Variants in GRAMD4 observed in about 807,000 individuals in gnomAD.
GRAMD4 encodes the protein GRAM domain-containing protein 4.
GRAMD4 carries 25 observed loss-of-function variants against 83.9 expected under a neutral mutation model. The ratio of observed to expected loss-of-function variants is 0.30; its 90% CI spans 0.22 to 0.42. GRAMD4 has a LOEUF of 0.42. Ranked by LOEUF, GRAMD4 falls within the 10% of genes least tolerant of loss-of-function variation. The pLI is 1.00. For synonymous variants in GRAMD4, 336 were observed against 320.9 expected (o/e 1.05, Z -0.50); for missense variants, 593 against 788.7 (o/e 0.75, Z 2.97).
chr22:46,628,489 C>T (rs59508825), intron 2 of GRAMD4, among the ~76,000 whole-genome samples: 6,533 of 60,240 alleles, frequency 0.11, 1,193 homozygotes, highest in East Asian at 0.34. Flanking sequence ...GGACTGAGTG[C>T]GTTGGTGTCT....
intron 3 of GRAMD4, among the ~76,000 whole-genome samples, chr22:46,647,029 C>T (rs906467265): frequency 2.0e-5 from 3 of 152,168 alleles, no homozygotes; most frequent in Non-Finnish European, 4.4e-5. Flanking sequence ...GTTTTAATTA[C>T]CTCCCACGGG....
At chr22:46,610,398 C>T (rs2147088069) in intron 1 of GRAMD4, among the ~76,000 whole-genome samples, 1 of 152,336 alleles carries the variant, frequency 6.6e-6, no homozygotes, top group South Asian at 2.1e-4. Flanking sequence ...CACCCACTGC[C>T]ACCTGTTTCT....
intron 8 of GRAMD4, 73 bp from the exon 9 acceptor site, chr22:46,665,542 G>A: frequency 2.5e-6 from 2 of 802,108 alleles, no homozygotes; most frequent in South Asian, 1.5e-5. Context: ...GCCTGGTGGG[G>A]GGAGGCGGGA....
intron 1 of GRAMD4, among the ~76,000 whole-genome samples, chr22:46,597,930 C>G (rs1406999335): frequency 6.6e-6 from 1 of 152,116 alleles, no homozygotes; most frequent in East Asian, 1.9e-4. Flanking sequence ...CTTTAGAGCA[C>G]TGTACAAGGT....
chr22:46,612,067 G>C (rs572436060), intron 1 of GRAMD4, among the ~76,000 whole-genome samples: 16 of 150,784 alleles, frequency 1.1e-4, no homozygotes, highest in South Asian at 6.3e-4. Context: ...GCAGTGGTTC[G>C]ATCATAGCTC....
At position 46,678,832 on chromosome 22, in the gene GRAMD4, T is replaced by G. The variant is rs2082636430; in HGVS notation, c.*1581T>G. 1 of 986,074 alleles carries G rather than the reference T, an allele frequency of 1.0e-6. No homozygotes were observed. Among genetic ancestry groups the G allele is most frequent in the Non-Finnish European group, 1.2e-6 (1 of 830,064 alleles). The allele number at this position is 986,074 out of a possible 1,614,324, so 61.1% of individuals were successfully genotyped here. ...TCACACGCTGGTGCCGGGGGTGCTT[T>G]GGGGGGAGCTGCGCCGATCACCAGA... On this transcript the variant is annotated 3_prime_UTR_variant, in exon 19 of 19. Transcript: ENST00000406902.
upstream of GRAMD4, chr22:46,620,379 C>T: frequency 1.0e-6 from 1 of 985,324 alleles, no homozygotes; most frequent in Non-Finnish European, 1.2e-6. This position sits in a 1 kb window ranked among gnomAD's most constrained non-coding sequence, Gnocchi z 4.7. Flanking sequence ...TGCTGCCCTG[C>T]TCTGGTGCAC....
At chr22:46,649,240 G>A (rs571240500) in intron 3 of GRAMD4, among the ~76,000 whole-genome samples, 1 of 152,336 alleles carries the variant, frequency 6.6e-6, no homozygotes, top group East Asian at 1.9e-4. Flanking sequence ...CAGGGAGCAG[G>A]TGCTTGGCAG....
chr22:46,660,081 C>A (rs978329991), intron 4 of GRAMD4, among the ~76,000 whole-genome samples: 1 of 152,206 alleles, frequency 6.6e-6, no homozygotes, highest in Non-Finnish European at 1.5e-5. Flanking sequence ...CATCCTCTCA[C>A]TCCCGCCAGC....
chr22:46,613,590 G>A (rs373084023), intron 1 of GRAMD4, among the ~76,000 whole-genome samples: 3 of 151,916 alleles, frequency 2.0e-5, no homozygotes, highest in East Asian at 1.9e-4. Flanking sequence ...GCGGCTACCC[G>A]ATGGCTGGGA....
chr22:46,644,679 C>G (rs36028596), intron 3 of GRAMD4, among the ~76,000 whole-genome samples: 3,880 of 141,554 alleles, frequency 0.027, 136 homozygotes, highest in African/African-American at 0.07. Context: ...GCTTCATCCA[C>G]TTGTCCACTT....
chr22:46,678,507 A>G lies in GRAMD4; in HGVS notation c.*1256A>G. ...GCTGGGGCCGCCTGCGCTGGGCTGA[A>G]GGGAGGGAAAGGCGGCTTGGGCCTC... On this transcript the variant is annotated 3_prime_UTR_variant, in exon 19 of 19. Transcript: ENST00000406902. 1.0e-6 allele frequency: 1 copy of G among 985,336 alleles called. No individual in the cohort carries two copies. Among genetic ancestry groups the G allele is most frequent in the South Asian group, 4.7e-5 (1 of 21,278 alleles). 61.0% of individuals were successfully genotyped at this position (985,336 alleles called of 1,614,324 possible).
At chr22:46,592,990 A>G (rs1244523506) in intron 1 of GRAMD4, among the ~76,000 whole-genome samples, 2 of 152,220 alleles carry the variant, frequency 1.3e-5, no homozygotes, top group African/African-American at 2.4e-5. Context: ...GTTCACCAAC[A>G]TAACCTAAAT....
chr22:46,581,189 A>G (rs758017202), intron 1 of GRAMD4, among the ~76,000 whole-genome samples: 25 of 152,220 alleles, frequency 1.6e-4, no homozygotes, highest in Middle Eastern at 3.2e-3. Context: ...GTTTAAGCCC[A>G]GTGATTAAAG....
At chr22:46,610,434 T>C (rs1005122666) in intron 1 of GRAMD4, among the ~76,000 whole-genome samples, 1 of 152,222 alleles carries the variant, frequency 6.6e-6, no homozygotes, top group Non-Finnish European at 1.5e-5. Flanking sequence ...GGTGTCTGAT[T>C]TGTACACAGC....
At chr22:46,639,078 T>G (rs193121289) in intron 3 of GRAMD4, among the ~76,000 whole-genome samples, 126 of 152,316 alleles carry the variant, frequency 8.3e-4, no homozygotes, top group South Asian at 4.1e-3. Context: ...AGCACTGGAC[T>G]GTGTGTGTGC....
Position 46,637,915 on chromosome 22 carries a change from A to G in GRAMD4, c.238A>G (p.Ile80Val), listed in dbSNP as rs1269107389. 1.2e-6 allele frequency: 2 copies of G among 1,614,064 alleles called. No homozygotes were observed. Among genetic ancestry groups the G allele is most frequent in the Admixed American group, 1.7e-5 (1 of 60,018 alleles). Residue 80 changes from isoleucine (I) to valine (V), a missense_variant, in exon 3 of 19, where the codon ATC (isoleucine) becomes GTC (valine). By Grantham distance (29) the Ile-to-Val change is conservative (BLOSUM62 3). Around this residue, in one of 4 missense-constraint regions of GRAMD4, gnomAD observed 312 missense variants for 350.7 expected, o/e 0.89. Transcript: ENST00000406902. ...NRTEFDRLNE[I>V]KGHLEIALLE... is the part of the protein sequence containing the mutation. ...GACAGAGTTTGATCGACTGAATGAG[A>G]TCAAAGGTCACCTGGAAATTGCCTT...
intron 3 of GRAMD4, among the ~76,000 whole-genome samples, chr22:46,645,874 C>T (rs1322090124): frequency 6.6e-6 from 1 of 152,234 alleles, no homozygotes; most frequent in Admixed American, 6.5e-5. Flanking sequence ...CATGCGTGTG[C>T]ATCTGTTGGT....
At position 46,659,169 on chromosome 22, in the gene GRAMD4, G is replaced by T. The variant is rs997277099; in HGVS notation, c.404+862G>T. Among the ~76,000 whole-genome samples the T allele has an allele frequency of 6.6e-6, 1 of 151,832 alleles. No homozygotes were observed. Among genetic ancestry groups the T allele is most frequent in the South Asian group, 2.1e-4 (1 of 4,800 alleles). ...TCAGCCTCCACTCCAGCAACCTCCT[G>T]CTTCGGCCTCCCTCTCAGCCTCCAC... On this transcript the variant is annotated intron_variant, in intron 4 of 18. Coordinates refer to ENST00000406902, the MANE Select transcript of GRAMD4 (RefSeq NM_015124.5). This position sits in a 1 kb window ranked among gnomAD's most constrained non-coding sequence, Gnocchi z 4.1.
Sources: allele counts gnomAD v4.1 joint callset (sites outside exome capture counted in the v4.1 genomes callset), GRCh38; gene constraint gnomAD v4.1.1; regional missense constraint gnomAD v4.1.1; non-coding constraint Gnocchi (gnomAD v3.1); transcripts MANE v1.5; gene names NCBI Gene and HGNC (gene_info 2026-07-23, HGNC 2026-07-21).